CNTNAP2: variants seen among roughly 807,000 people sequenced by gnomAD.
CNTNAP2 encodes the protein contactin associated protein 2, also known as contactin-associated protein-like 2.
In CNTNAP2, 98 loss-of-function variants were observed where a neutral mutation model predicts 155.2. The ratio of observed to expected loss-of-function variants is 0.63; its 90% CI spans 0.54 to 0.75. The LOEUF (loss-of-function observed/expected upper bound fraction) is 0.75. Ranked by LOEUF, CNTNAP2 falls within the 30% of genes least tolerant of loss-of-function variation. The probability of loss-of-function intolerance (pLI) is 0.00; values close to 1 mark genes in which losing one functional copy is unlikely to be tolerated. For missense variants in CNTNAP2, 1,727 were observed against 1,688.1 expected, an observed-to-expected ratio of 1.02 and a Z score of -0.40; for synonymous variants, 651 against 631.2, an observed-to-expected ratio of 1.03 and a Z score of -0.47.
At chr7:147,083,539 TATATATATATGTATATATATATATACAC>T (rs1451481150) in intron 4 of CNTNAP2, among the ~76,000 whole-genome samples, 3 of 30,460 alleles carry the variant, frequency 9.8e-5, no homozygotes, top group East Asian at 1.6e-3. Context: ...TATATATACA[TATATATATATGTATATATATATATACAC>T]ATATATATGT....
chr7:148,155,535 C>T (rs1267943130), intron 17 of CNTNAP2, among the ~76,000 whole-genome samples: 1 of 152,132 alleles, frequency 6.6e-6, no homozygotes, highest in Non-Finnish European at 1.5e-5. Flanking sequence ...TAAACTTTCA[C>T]AACTTGGAGT....
rs758221358 is a variant in CNTNAP2, at chr7:147,903,652, C to T, written c.2186C>T (p.Ala729Val). Residue 729 changes from alanine to valine, a missense_variant, in exon 14 of 24, where the codon GCC (alanine) becomes GTC (valine). Coordinates refer to ENST00000361727, the MANE Select transcript of CNTNAP2 (RefSeq NM_014141.6). ...TCTGGGCCTGGAATCCAGAAATGTG[C>T]CTGCGGCATCGAACGCAACTGCACA... ...GGSGPGIQKC[A>V]CGIERNCTDP... 9.9e-6 allele frequency: 16 copies of T among 1,613,934 alleles called. No individual in the cohort carries two copies. The Admixed American group carries it at 2.5e-4, about 25-fold the overall frequency.
At chr7:147,333,245 G>A (rs915020658) in intron 9 of CNTNAP2, among the ~76,000 whole-genome samples, 1 of 152,124 alleles carries the variant, frequency 6.6e-6, no homozygotes, top group African/African-American at 2.4e-5. Flanking sequence ...TGACTACAGA[G>A]AGAATACTGA....
intron 13 of CNTNAP2, among the ~76,000 whole-genome samples, chr7:147,746,584 T>C (rs1797046288): frequency 6.6e-6 from 1 of 152,044 alleles, no homozygotes; most frequent in East Asian, 1.9e-4. Context: ...ACCTACAAGG[T>C]TTTCCTAGTT....
intron 1 of CNTNAP2, among the ~76,000 whole-genome samples, chr7:146,225,352 A>T (rs1799276784): frequency 6.6e-6 from 1 of 152,226 alleles, no homozygotes; most frequent in South Asian, 2.1e-4. Flanking sequence ...TCCAGGAAGA[A>T]TTTTTTAAAC....
At position 148,330,051 on chromosome 7, in the gene CNTNAP2, G is replaced by A. The variant is rs572230501; in HGVS notation, c.3476-53598G>A. On this transcript the variant is annotated intron_variant, in intron 21 of 23. Transcript: ENST00000361727. ...GAGACACAAATGGATGAAAGACATGGAAGGAATGTATGGATGGAATGGAGG... is the reference window on the plus strand; with the variant it reads ...GAGACACAAATGGATGAAAGACATGAAAGGAATGTATGGATGGAATGGAGG... Among the ~76,000 whole-genome samples the A allele has an allele frequency of 5.1e-4, 78 of 152,382 alleles. 2 individuals are homozygous for A. Among genetic ancestry groups the A allele is most frequent in the African/African-American group, 1.9e-3 (77 of 41,584 alleles).
intron 1 of CNTNAP2, among the ~76,000 whole-genome samples, chr7:146,473,794 G>A (rs184593842): frequency 1.3e-5 from 2 of 152,210 alleles, no homozygotes; most frequent in East Asian, 1.9e-4. Context: ...TCCACAATGG[G>A]ATACAGTCTC....
At chr7:148,276,286 G>A (rs1796869282) in intron 21 of CNTNAP2, among the ~76,000 whole-genome samples, 1 of 152,176 alleles carries the variant, frequency 6.6e-6, no homozygotes, top group Non-Finnish European at 1.5e-5. Context: ...AAACAAGCAG[G>A]AAAGTAGAGA....
chr7:147,582,075 GAATTTTCA>G, intron 12 of CNTNAP2, among the ~76,000 whole-genome samples: 1 of 152,192 alleles, frequency 6.6e-6, no homozygotes, highest in Non-Finnish European at 1.5e-5. Flanking sequence ...TACTTTTAAA[GAATTTTCA>G]TAATAGCCTC....
intron 3 of CNTNAP2, among the ~76,000 whole-genome samples, chr7:147,029,549 G>GTT (rs11370307): frequency 9.9e-4 from 146 of 147,632 alleles, no homozygotes; most frequent in Non-Finnish European, 1.4e-3. Context: ...TGTAAAAAGG[G>GTT]TTTTTTTTTT....
At chr7:147,157,168 C>G (rs184449684) in intron 8 of CNTNAP2, among the ~76,000 whole-genome samples, 2 of 152,038 alleles carry the variant, frequency 1.3e-5, no homozygotes, top group Non-Finnish European at 2.9e-5. Context: ...GGAAAGCTCT[C>G]CATGACACCC....
rs567267402 is a variant in CNTNAP2, at chr7:147,278,332, G to T, written c.1349-21809G>T. 7.9e-5 allele frequency among the ~76,000 whole-genome samples: 12 copies of T among 151,772 alleles called. 1 individual carries two copies. The South Asian group carries it at 2.5e-3, about 32-fold the overall frequency. On this transcript the variant is annotated intron_variant, in intron 8 of 23. Transcript: ENST00000361727. ...TAAGCAATGTTCACTGACTTTTATA[G>T]TTACTTCTCTACATATGTCTTCCAT... is the stretch of plus-strand genomic sequence containing the variant.
chr7:147,006,125 G>C (rs1325869199), intron 3 of CNTNAP2, among the ~76,000 whole-genome samples: 1 of 152,010 alleles, frequency 6.6e-6, no homozygotes, highest in African/African-American at 2.4e-5. Context: ...GTATATAGGA[G>C]TACCCAGTAA....
At chr7:147,467,726 A>C (rs1372490990) in intron 10 of CNTNAP2, among the ~76,000 whole-genome samples, 3 of 152,232 alleles carry the variant, frequency 2.0e-5, no homozygotes, top group African/African-American at 7.2e-5. Flanking sequence ...CATACTAGTA[A>C]TTTCTTTAAG....
intron 14 of CNTNAP2, among the ~76,000 whole-genome samples, chr7:147,916,768 GC>G: frequency 6.6e-6 from 1 of 151,934 alleles, no homozygotes; most frequent in South Asian, 2.1e-4. Flanking sequence ...AAAGAAAAGT[GC>G]AGACGCAGCA....
chr7:147,927,964 C>T (rs1665471683), intron 14 of CNTNAP2, among the ~76,000 whole-genome samples: 2 of 152,194 alleles, frequency 1.3e-5, no homozygotes, highest in South Asian at 4.1e-4. Flanking sequence ...ATTGTAGCTT[C>T]CATAATTCCC....
At chr7:147,396,186 T>C (rs1212656122) in intron 10 of CNTNAP2, among the ~76,000 whole-genome samples, 1 of 21,060 alleles carries the variant, frequency 4.7e-5, no homozygotes, top group East Asian at 5.7e-4. Flanking sequence ...ATATAGCATA[T>C]ATATATATAT....
chr7:148,010,745 T>C (rs968644832), intron 15 of CNTNAP2, among the ~76,000 whole-genome samples: 5 of 152,016 alleles, frequency 3.3e-5, no homozygotes. Context: ...AGATTTCACA[T>C]TCACCCTCTG....
chr7:147,144,961 T>C (rs1228243644), intron 8 of CNTNAP2, among the ~76,000 whole-genome samples: 1 of 152,144 alleles, frequency 6.6e-6, no homozygotes, highest in African/African-American at 2.4e-5. Context: ...ATTCAATAAT[T>C]CTAATTGAGT....
Sources: gnomAD v4.1 joint callset for allele counts (sites outside exome capture counted in the v4.1 genomes callset) on GRCh38, gnomAD v4.1.1 for gene constraint, MANE v1.5 for transcripts, NCBI Gene and HGNC (gene_info 2026-07-23, HGNC 2026-07-21) for gene names.